TBC1D19: variants seen among roughly 807,000 people sequenced by gnomAD.
The protein encoded by TBC1D19 is TBC1 domain family member 19, also known as TBC1 domain family, member 19.
Under a neutral mutation model 89.0 loss-of-function variants are expected in TBC1D19, and 60 were observed. The ratio of observed to expected loss-of-function variants is 0.67; its 90% confidence interval spans 0.55 to 0.84. The LOEUF (loss-of-function observed/expected upper bound fraction) is 0.84, where lower values mean the gene tolerates loss of function less well. TBC1D19 is among the 40% of genes least tolerant of loss of function. The probability of loss-of-function intolerance (pLI) is 0.00; values close to 1 mark genes in which losing one functional copy is unlikely to be tolerated. For missense variants in TBC1D19, 500 were observed against 610.8 expected (o/e 0.82, Z 1.91); for synonymous variants, 189 against 199.7 (o/e 0.95, Z 0.45).
chr4:26,577,054 C>T (rs1738988560), intron 1 of TBC1D19, among the ~76,000 whole-genome samples: 1 of 152,116 alleles, frequency 6.6e-6, no homozygotes, highest in Non-Finnish European at 1.5e-5. Flanking sequence ...GCCTTAACAG[C>T]AAAAACTGAG....
chr4:26,719,271 T>C (rs1716833627), intron 14 of TBC1D19, among the ~76,000 whole-genome samples: 1 of 152,070 alleles, frequency 6.6e-6, no homozygotes, highest in Admixed American at 6.6e-5. Context: ...ACAAGATCAA[T>C]CCTTTTTGTT....
chr4:26,858,369 C>T, the TBC1D19 span: 1 of 151,398 alleles, frequency 6.6e-6, no homozygotes, highest in East Asian at 1.9e-4. Flanking sequence ...GGAAAAGGGC[C>T]TCAGGGTAGC....
intron 13 of TBC1D19, among the ~76,000 whole-genome samples, chr4:26,715,056 C>T (rs1159798336): frequency 6.6e-6 from 1 of 152,012 alleles, no homozygotes; most frequent in Non-Finnish European, 1.5e-5. Flanking sequence ...GCTTTCACTA[C>T]CATCTATATG....
the TBC1D19 span, among the ~76,000 whole-genome samples, chr4:26,830,932 G>C: frequency 2.6e-5 from 4 of 152,112 alleles, no homozygotes; most frequent in Non-Finnish European, 5.9e-5. Context: ...CCCATTTTTA[G>C]CCCTGAGGAG....
At chr4:26,802,751 C>T in the TBC1D19 span, among the ~76,000 whole-genome samples, 3 of 152,144 alleles carry the variant, frequency 2.0e-5, no homozygotes, top group Admixed American at 6.5e-5. Context: ...CATATTAACA[C>T]GGAGAAAAAT....
intron 3 of TBC1D19, among the ~76,000 whole-genome samples, chr4:26,617,802 A>G (rs1741790271): frequency 6.6e-6 from 1 of 152,258 alleles, no homozygotes; most frequent in African/African-American, 2.4e-5. Flanking sequence ...GAACATAAAG[A>G]AGTAAATAAA....
At chr4:26,853,087 C>T in the TBC1D19 span, among the ~76,000 whole-genome samples, 1 of 152,236 alleles carries the variant, frequency 6.6e-6, no homozygotes. Flanking sequence ...CTACTCAAAA[C>T]CTTTCAGTGT....
At chr4:26,679,832 GA>G (rs1383335211) in intron 11 of TBC1D19, among the ~76,000 whole-genome samples, 5 of 152,326 alleles carry the variant, frequency 3.3e-5, no homozygotes, top group African/African-American at 1.2e-4. Context: ...AGGACTGTTG[GA>G]AGGGCATGAT....
chr4:26,583,943 CGGTGTGAAAA>C, upstream of TBC1D19: 1 of 516,496 alleles, frequency 1.9e-6, no homozygotes. Flanking sequence ...GCAGGAACAA[CGGTGTGAAAA>C]GCGTCCTCCC....
the TBC1D19 span, among the ~76,000 whole-genome samples, chr4:26,791,547 G>T: frequency 6.6e-6 from 1 of 152,228 alleles, no homozygotes; most frequent in Admixed American, 6.5e-5. Context: ...GCAGAAGCCA[G>T]GAGACCAGTT....
At chr4:26,735,089 T>C (rs1385283872) in intron 15 of TBC1D19, among the ~76,000 whole-genome samples, 3 of 151,086 alleles carry the variant, frequency 2.0e-5, no homozygotes, top group Non-Finnish European at 4.4e-5. Flanking sequence ...TATATATGTA[T>C]ACACATGTAT....
chr4:26,693,210 C>T lies in TBC1D19; in HGVS notation c.954+4803C>T, dbSNP rs189889273. ...CAAGGCGGCATACTCTGAAGTACAT[C>T]AGAGGCTTCACACTTTGGGAGAAAC... On this transcript the variant is annotated intron_variant, in intron 13 of 20. Transcript: ENST00000264866. Among the ~76,000 whole-genome samples, 464 of 151,354 alleles carry T rather than the reference C, an allele frequency of 3.1e-3. 6 individuals are homozygous for T. Among genetic ancestry groups the T allele is most frequent in the Admixed American group, 0.017 (254 of 15,192 alleles).
the TBC1D19 span, among the ~76,000 whole-genome samples, chr4:26,807,862 A>G: frequency 1.3e-5 from 2 of 152,274 alleles, no homozygotes; most frequent in African/African-American, 4.8e-5. Context: ...GCGAGGCACC[A>G]TTAACTTCAA....
At chr4:26,650,679 T>C (rs1254027135) in intron 7 of TBC1D19, among the ~76,000 whole-genome samples, 5 of 152,332 alleles carry the variant, frequency 3.3e-5, no homozygotes, top group East Asian at 1.9e-4. Flanking sequence ...TTCACTCTGA[T>C]GGTAGTTTCT....
chr4:26,703,397 TG>T (rs1715482933), intron 13 of TBC1D19, among the ~76,000 whole-genome samples: 1 of 152,176 alleles, frequency 6.6e-6, no homozygotes, highest in African/African-American at 2.4e-5. Flanking sequence ...TGTGCATGTG[TG>T]TGTGTGTGCA....
At chr4:26,745,699 A>G (rs546533663) in intron 18 of TBC1D19, among the ~76,000 whole-genome samples, 3 of 150,568 alleles carry the variant, frequency 2.0e-5, no homozygotes, top group African/African-American at 7.3e-5. Flanking sequence ...TTTAGTAGAG[A>G]CGGGGTTTCA....
At chr4:26,776,305 A>G in the TBC1D19 span, among the ~76,000 whole-genome samples, 3 of 152,110 alleles carry the variant, frequency 2.0e-5, no homozygotes, top group Admixed American at 2.0e-4. Context: ...CTGCATACTA[A>G]TAATAGTTTT....
chr4:26,657,696 C>T (rs1744952748), intron 7 of TBC1D19, among the ~76,000 whole-genome samples: 1 of 152,146 alleles, frequency 6.6e-6, no homozygotes, highest in African/African-American at 2.4e-5. Context: ...GTTTACACTC[C>T]CACCAACAGT....
At chr4:26,857,929 A>G in the TBC1D19 span, 1 of 152,432 alleles carries the variant, frequency 6.6e-6, no homozygotes, top group Admixed American at 6.5e-5. Context: ...AAATGCAATC[A>G]AACAACATGG....
Sources: gnomAD v4.1 joint callset for allele counts (sites outside exome capture counted in the v4.1 genomes callset) on GRCh38, gnomAD v4.1.1 for gene constraint, MANE v1.5 for transcripts, NCBI Gene and HGNC (gene_info 2026-07-23, HGNC 2026-07-21) for gene names.